The following KLRD1 variants were observed in gnomAD, a reference collection of about 807,000 sequenced individuals.
The protein encoded by KLRD1 is killer cell lectin like receptor D1.
KLRD1 carries 21 observed loss-of-function variants against 22.6 expected under a neutral mutation model. The observed-to-expected ratio is 0.93, with a 90% CI of 0.66 to 1.34. The LOEUF (loss-of-function observed/expected upper bound fraction) is 1.34. Among genes scored for constraint, KLRD1 ranks in the 40% most tolerant of loss-of-function variants. KLRD1 has a pLI of 0.00. For missense variants in KLRD1, 183 were observed against 208.6 expected (o/e 0.88, Z 0.76); for synonymous variants, 59 against 71.1 (o/e 0.83, Z 0.85).
intron 1 of KLRD1, among the ~76,000 whole-genome samples, chr12:10,285,688 A>G (rs939516236): frequency 6.6e-6 from 1 of 152,216 alleles, no homozygotes; most frequent in African/African-American, 2.4e-5. Flanking sequence ...AATTCCAGTT[A>G]AAAATCATCT....
In KLRD1 at chr12:10,328,995, T is replaced by G. The variant is rs1950386447; in HGVS notation, c.*14202T>G. ...GTATGGGGGAAACCACCCCCATGAT[T>G]CAATTATCTCCCACTGGGTCCCTCC... On this transcript the variant is annotated 3_prime_UTR_variant, in exon 6 of 6. Transcript: ENST00000336164. The G allele has an allele frequency of 2.6e-5, 4 of 152,168 alleles. No homozygotes were observed. The South Asian group carries it at 8.3e-4, about 31-fold the overall frequency. The allele number at this position is 152,168 out of a possible 1,614,324, so 9.4% of individuals were successfully genotyped here.
chr12:10,313,412 T>C lies in KLRD1; in HGVS notation c.318T>C (p.Asp106=), dbSNP rs778188406. 32 of 1,580,270 alleles carry C rather than the reference T, an allele frequency of 2.0e-5. No homozygotes were observed. Among genetic ancestry groups the C allele is most frequent in the Admixed American group, 3.5e-5 (2 of 56,798 alleles). ...TGATTGTCTTTTACTTGAAGCAGGA[T>C]TTTATGAGCTCCAGTCAACAATTTT... The part of the protein sequence containing the change: ...LLQLQNTDEL[D]FMSSSQQFYW... The change falls in exon 5 of 6, where the codon GAT becomes GAC. Residue 106 remains aspartate, a splice_region_variant and synonymous_variant. Transcript: ENST00000336164.
chr12:10,263,971 G>C (rs1949477349), intron 1 of KLRD1, among the ~76,000 whole-genome samples: 1 of 152,058 alleles, frequency 6.6e-6, no homozygotes, highest in African/African-American at 2.4e-5. Context: ...TCATGGACAT[G>C]ATCTTAGTTG....
In KLRD1 at chr12:10,308,029, A is replaced by C. The variant is rs374248853; in HGVS notation, c.-49A>C. The stretch of plus-strand genomic sequence containing the variant: ...ACAATTCAACGCTGTTCTTTCTGAA[A>C]AAGTACACATCGTGCCTTCTCTACT... On this transcript the variant is annotated 5_prime_UTR_variant, in exon 1 of 6. Transcript: ENST00000336164. 2 of 1,583,954 alleles carry C rather than the reference A, an allele frequency of 1.3e-6. No homozygotes were observed. Among genetic ancestry groups the C allele is most frequent in the Non-Finnish European group, 1.7e-6 (2 of 1,152,956 alleles).
At position 10,327,667 on chromosome 12, in the gene KLRD1, C is replaced by A. The variant is rs1396735054; in HGVS notation, c.*12874C>A. ...TTTACAATCTGTATGTTGTTAATTT[C>A]TTTTCCTTGCCTAAGAGCTTTAAGT... On this transcript the variant is annotated 3_prime_UTR_variant, in exon 6 of 6. Coordinates refer to ENST00000336164, the MANE Select transcript of KLRD1 (RefSeq NM_002262.5). 2 of 152,094 alleles carry A rather than the reference C, an allele frequency of 1.3e-5. No individual in the cohort carries two copies. Among genetic ancestry groups the A allele is most frequent in the African/African-American group, 2.4e-5 (1 of 41,420 alleles). 9.4% of individuals were successfully genotyped at this position (152,094 alleles called of 1,614,324 possible). A position where few individuals can be genotyped will look rare whatever the true frequency, so the allele number is the denominator to read the frequency against.
chr12:10,322,706 A>G lies in KLRD1; in HGVS notation c.*7913A>G, dbSNP rs1255371492. 6.6e-6 allele frequency: 1 copy of G among 152,214 alleles called. No homozygotes were observed. Among genetic ancestry groups the G allele is most frequent in the Non-Finnish European group, 1.5e-5 (1 of 68,038 alleles). The allele number at this position is 152,214 out of a possible 1,614,324, so 9.4% of individuals were successfully genotyped here. A position where few individuals can be genotyped will look rare whatever the true frequency, so the allele number is the denominator to read the frequency against. On this transcript the variant is annotated 3_prime_UTR_variant, in exon 6 of 6. Coordinates refer to ENST00000336164, the MANE Select transcript of KLRD1 (RefSeq NM_002262.5). ...TATTTTAATTGAGCAAAAACACAATAAAGAATACCTATCTTAAATTTACTC... is the reference window on the plus strand; with the variant it reads ...TATTTTAATTGAGCAAAAACACAATGAAGAATACCTATCTTAAATTTACTC...
intron 1 of KLRD1, chr12:10,309,091 C>T (rs1816508683): frequency 7.9e-6 from 2 of 251,940 alleles, no homozygotes; most frequent in South Asian, 8.9e-5. Flanking sequence ...TATCTTCTAC[C>T]TCCAGATCTT....
intron 1 of KLRD1, among the ~76,000 whole-genome samples, chr12:10,262,200 C>G (rs1949460236): frequency 6.6e-6 from 1 of 151,882 alleles, no homozygotes; most frequent in Non-Finnish European, 1.5e-5. Flanking sequence ...GAATGAATAC[C>G]ACATTATACA....
chr12:10,313,536 G>GT (rs761766817), intron 5 of KLRD1, 23 bp downstream of exon 5: 10 of 1,394,678 alleles, frequency 7.2e-6, no homozygotes, highest in East Asian at 2.4e-5. Flanking sequence ...CAATCATGGC[G>GT]TTTTTTGCTC....
chr12:10,277,914 C>T (rs1379450848), intron 1 of KLRD1, among the ~76,000 whole-genome samples: 1 of 152,180 alleles, frequency 6.6e-6, no homozygotes, highest in East Asian at 1.9e-4. Flanking sequence ...TCTGTGATTC[C>T]TTTCAGGTTA....
intron 1 of KLRD1, among the ~76,000 whole-genome samples, chr12:10,250,480 G>A (rs1488115652): frequency 1.3e-5 from 2 of 151,266 alleles, no homozygotes; most frequent in South Asian, 2.1e-4. Context: ...TTTTTGAGAC[G>A]GGGTCTCACT....
chr12:10,295,808 T>C lies in KLRD1; in HGVS notation c.-100-12170T>C, dbSNP rs908801277. ...CTTAATCATGAATATTGAATACTTA[T>C]TCAACATTCTTACAGTGAGATATGT... On this transcript the variant is annotated intron_variant, in intron 1 of 5. Transcript: ENST00000544747. Among the ~76,000 whole-genome samples, 172 of 152,202 alleles carry C rather than the reference T, an allele frequency of 1.1e-3. 1 individual carries two copies. Among genetic ancestry groups the C allele is most frequent in the Non-Finnish European group, 3.2e-4 (22 of 68,028 alleles).
chr12:10,324,818 G>GTGTATATATATATATA lies in KLRD1; in HGVS notation c.*10026_*10027insGTATATATATATATAT, dbSNP rs750696767. 304 of 74,136 alleles carry GTGTATATATATATATA rather than the reference G, an allele frequency of 4.1e-3. 5 individuals carry two copies. Among genetic ancestry groups the GTGTATATATATATATA allele is most frequent in the East Asian group, 0.029 (50 of 1,728 alleles). 4.6% of individuals were successfully genotyped at this position (74,136 alleles called of 1,614,324 possible). A position where few individuals can be genotyped will look rare whatever the true frequency, so the allele number is the denominator to read the frequency against. On this transcript the variant is annotated 3_prime_UTR_variant, in exon 6 of 6. Transcript: ENST00000336164. ...AGTATATATGTATATGTGTGTGTGT[G>GTGTATATATATATATA]TATATATATATATATATATATATAT...
chr12:10,289,489 C>T (rs76549388), intron 1 of KLRD1, among the ~76,000 whole-genome samples: 2,207 of 152,342 alleles, frequency 0.014, 23 homozygotes, highest in Admixed American at 0.021. Context: ...GTTGCTAATT[C>T]TGTGACCACT....
At chr12:10,278,009 A>G (rs2137650896) in intron 1 of KLRD1, among the ~76,000 whole-genome samples, 1 of 152,350 alleles carries the variant, frequency 6.6e-6, no homozygotes, top group African/African-American at 2.4e-5. Context: ...ACATGACAAC[A>G]CAGCGACCAT....
upstream of KLRD1, chr12:10,307,755 C>T: frequency 4.1e-6 from 1 of 243,188 alleles, no homozygotes; most frequent in Non-Finnish European, 7.8e-6. Context: ...TCCCTCTGAC[C>T]TCCTCTCACC....
rs1218027967 is a variant in KLRD1 at position 10,328,327 on chromosome 12, T to C, written c.*13534T>C. On this transcript the variant is annotated 3_prime_UTR_variant, in exon 6 of 6. Coordinates refer to ENST00000336164, the MANE Select transcript of KLRD1 (RefSeq NM_002262.5). ...GTAAGTTTCTTGATTACTGATTCAA[T>C]CTTCATTCTAGTTATAGATACGCTC... 1 of 152,178 alleles carries C rather than the reference T, an allele frequency of 6.6e-6. No homozygotes were observed. Among genetic ancestry groups the C allele is most frequent in the Admixed American group, 6.5e-5 (1 of 15,270 alleles). The allele number at this position is 152,178 out of a possible 1,614,324, so 9.4% of individuals were successfully genotyped here.
rs1047439377 is a variant in KLRD1, at chr12:10,324,448, A to C, written c.*9655A>C. ...GTTTCCTTTTTTTGTGTGCCTGTGT[A>C]CTCCATGGTTAGCTCCCACTTATAA... On this transcript the variant is annotated 3_prime_UTR_variant, in exon 6 of 6. Coordinates refer to ENST00000336164, the MANE Select transcript of KLRD1 (RefSeq NM_002262.5). 6.7e-6 allele frequency: 1 copy of C among 149,974 alleles called. No individual in the cohort carries two copies. Among genetic ancestry groups the C allele is most frequent in the African/African-American group, 2.5e-5 (1 of 40,640 alleles). 9.3% of individuals were successfully genotyped at this position (149,974 alleles called of 1,614,324 possible).
intron 1 of KLRD1, among the ~76,000 whole-genome samples, chr12:10,244,227 G>T (rs978733835): frequency 6.6e-6 from 1 of 151,872 alleles, no homozygotes; most frequent in African/African-American, 2.4e-5. Flanking sequence ...GTTGAAACTG[G>T]AACATAAAAG....
Sources: gnomAD v4.1 joint callset for allele counts (sites outside exome capture counted in the v4.1 genomes callset) on GRCh38, gnomAD v4.1.1 for gene constraint, MANE v1.5 for transcripts, NCBI Gene and HGNC (gene_info 2026-07-23, HGNC 2026-07-21) for gene names.